The following ZNF143 variants were observed in gnomAD, a reference collection of about 807,000 sequenced individuals.
ZNF143 encodes the protein zinc finger protein 143, also known as SPH-binding factor.
In ZNF143, 49 loss-of-function variants were observed where a neutral mutation model predicts 74.1. That is an observed-to-expected ratio of 0.66 (90% CI 0.53 to 0.84). The LOEUF is 0.84. ZNF143 is among the 40% of genes least tolerant of loss of function. ZNF143 has a pLI of 0.00. For missense variants in ZNF143, 637 were observed against 793.4 expected (o/e 0.80, Z 2.37); for synonymous variants, 304 against 282.8 (o/e 1.07, Z -0.75).
rs552490842 is a variant in ZNF143, at chr11:9,527,448, T to G, written c.1834-82T>G. The G allele has an allele frequency of 1.1e-5, 14 of 1,295,436 alleles. No individual in the cohort carries two copies. In the African/African-American group the frequency reaches 2.0e-4, roughly 19 times the overall value. The allele number at this position is 1,295,436 out of a possible 1,614,324, so 80.2% of individuals were successfully genotyped here. ...CAGAATTACAGAGAGAAGTTTCACT[T>G]CTGGCATATAACATTTCTTTGGCAT... On this transcript the variant is annotated intron_variant, in intron 15 of 15. Transcript: ENST00000396602.
intron 1 of ZNF143, among the ~76,000 whole-genome samples, chr11:9,467,825 CAA>C (rs1027456358): frequency 5.4e-5 from 6 of 111,340 alleles, no homozygotes; most frequent in African/African-American, 2.1e-4. Context: ...GCCTGGGCGA[CAA>C]GAGTGAGACT....
intron 7 of ZNF143, 106 bp downstream of exon 7, chr11:9,479,652 A>C: frequency 3.3e-5 from 28 of 845,198 alleles, no homozygotes; most frequent in Non-Finnish European, 4.9e-5. Context: ...GGAAAATCTC[A>C]CCAGTTCAGA....
intron 14 of ZNF143, among the ~76,000 whole-genome samples, chr11:9,518,294 A>G (rs1367681940): frequency 1.3e-5 from 2 of 152,250 alleles, no homozygotes; most frequent in Non-Finnish European, 2.9e-5. Flanking sequence ...TGGTGAGGAA[A>G]CAACCACCAC....
intron 5 of ZNF143, among the ~76,000 whole-genome samples, chr11:9,475,591 T>G (rs1477364120): frequency 2.0e-5 from 3 of 152,160 alleles, no homozygotes; most frequent in Admixed American, 6.5e-5. Flanking sequence ...TATTTCTTCC[T>G]CTTAAATGCA....
At position 9,528,279 on chromosome 11, in the gene ZNF143, G is replaced by T. The variant is rs945581424; in HGVS notation, c.*666G>T. The T allele has an allele frequency of 2.0e-5, 3 of 152,068 alleles. No homozygotes were observed. Among genetic ancestry groups the T allele is most frequent in the African/African-American group, 7.2e-5 (3 of 41,412 alleles). 9.4% of individuals were successfully genotyped at this position (152,068 alleles called of 1,614,324 possible). A position where few individuals can be genotyped will look rare whatever the true frequency, so the allele number is the denominator to read the frequency against. ...TAAAATTAAAAAGTTAAATCCAGTGGTTTTGTTAAAGATTTTGCTTAGTAT... is the reference window on the plus strand; with the variant it reads ...TAAAATTAAAAAGTTAAATCCAGTGTTTTTGTTAAAGATTTTGCTTAGTAT... On this transcript the variant is annotated 3_prime_UTR_variant, in exon 16 of 16. Coordinates refer to ENST00000396602, the MANE Select transcript of ZNF143 (RefSeq NM_003442.6).
chr11:9,474,508 T>A (rs1416184715), intron 4 of ZNF143, 42 bp from the exon 5 acceptor site: 1 of 1,596,740 alleles, frequency 6.3e-7, no homozygotes, highest in Non-Finnish European at 8.6e-7. Context: ...AATTGGAATG[T>A]GCTAGAAAAC....
chr11:9,515,495 C>CA (rs1439148966), intron 13 of ZNF143, among the ~76,000 whole-genome samples: 2 of 151,114 alleles, frequency 1.3e-5, no homozygotes, highest in Admixed American at 6.6e-5. Context: ...TAAAAACACA[C>CA]AAAAAAAAAT....
At chr11:9,486,371 A>ATAATATATATAATATATTTTAT in intron 7 of ZNF143, among the ~76,000 whole-genome samples, 1 of 36,718 alleles carries the variant, frequency 2.7e-5, no homozygotes, top group African/African-American at 1.3e-4. Context: ...TATTATATAT[A>ATAATATATATAATATATTTTAT]ATATATTATA....
intron 7 of ZNF143, among the ~76,000 whole-genome samples, chr11:9,485,869 C>A (rs779891164): frequency 6.6e-6 from 1 of 151,452 alleles, no homozygotes; most frequent in African/African-American, 2.5e-5. Flanking sequence ...TAGGCCGTTA[C>A]AGTAAATGGG....
At chr11:9,521,392 C>T (rs568548111) in intron 14 of ZNF143, among the ~76,000 whole-genome samples, 1 of 152,146 alleles carries the variant, frequency 6.6e-6, no homozygotes, top group South Asian at 2.1e-4. Flanking sequence ...AAAGTTTCAT[C>T]TCCTGTTTCA....
Position 9,484,858 on chromosome 11 carries a change from C to T in ZNF143, c.645+5312C>T, listed in dbSNP as rs570167514. Among the ~76,000 whole-genome samples, 206 of 121,966 alleles carry T rather than the reference C, an allele frequency of 1.7e-3. 7 individuals are homozygous for T. Among genetic ancestry groups the T allele is most frequent in the African/African-American group, 5.8e-3 (178 of 30,626 alleles). The allele number at this position is 121,966 out of a possible 152,430, so 80.0% of individuals were successfully genotyped here. Reference sequence around the variant, plus strand: ...TGTCGCCCAGGCTGGAGTGCAGTGGCGCGATCTTGGCTCACTGCAAGCTCC... The same window carrying T: ...TGTCGCCCAGGCTGGAGTGCAGTGGTGCGATCTTGGCTCACTGCAAGCTCC... On this transcript the variant is annotated intron_variant, in intron 7 of 15. Coordinates refer to ENST00000396602, the MANE Select transcript of ZNF143 (RefSeq NM_003442.6).
rs568976598 is a variant in ZNF143 at position 9,511,999 on chromosome 11, C to T, written c.1376-449C>T. On this transcript the variant is annotated intron_variant, in intron 12 of 15. Coordinates refer to ENST00000396602, the MANE Select transcript of ZNF143 (RefSeq NM_003442.6). Reference sequence around the variant, plus strand: ...ATCTCCTGACCTCGTGATCCACCCACCTCAGCCTCCCAAAGTCCTGGGATT... The same window carrying T: ...ATCTCCTGACCTCGTGATCCACCCATCTCAGCCTCCCAAAGTCCTGGGATT... Among the ~76,000 whole-genome samples the T allele has an allele frequency of 1.4e-4, 21 of 151,410 alleles. No homozygotes were observed. In the South Asian group the frequency reaches 4.2e-3, roughly 30 times the overall value.
intron 1 of ZNF143, among the ~76,000 whole-genome samples, chr11:9,469,556 G>A (rs1334521223): frequency 6.6e-6 from 1 of 151,968 alleles, no homozygotes; most frequent in Non-Finnish European, 1.5e-5. Context: ...GTAGGGTACT[G>A]GTGTTACTTT....
chr11:9,478,490 G>A lies in ZNF143; in HGVS notation c.474G>A (p.Leu158=), dbSNP rs977631974. 7.4e-6 allele frequency: 12 copies of A among 1,614,182 alleles called. No individual in the cohort carries two copies. The highest frequency in any genetic ancestry group is 1.0e-5 in the Non-Finnish European group (12 of 1,180,052). The part of the protein sequence containing the change: ...AVQVPQSDTI[L]AIQADGTVAG... Reference sequence around the variant, plus strand: ...AAGTCCCGCAGTCTGACACCATCTTGGCAATTCAGGCTGATGGGACAGTGG... The same window carrying A: ...AAGTCCCGCAGTCTGACACCATCTTAGCAATTCAGGCTGATGGGACAGTGG... Residue 158 remains leucine (L), a synonymous_variant, in exon 6 of 16, where the codon TTG becomes TTA. Transcript: ENST00000396602.
At chr11:9,502,294 A>G (rs1252452135) in intron 11 of ZNF143, among the ~76,000 whole-genome samples, 1 of 120,010 alleles carries the variant, frequency 8.3e-6, no homozygotes, top group Non-Finnish European at 1.6e-5. Flanking sequence ...AATATAATTC[A>G]CATACTATAC....
At chr11:9,513,498 G>GT (rs1250440786) in intron 13 of ZNF143, among the ~76,000 whole-genome samples, 1 of 152,202 alleles carries the variant, frequency 6.6e-6, no homozygotes, top group East Asian at 1.9e-4. Flanking sequence ...TCTGGAGGTT[G>GT]TTTTATATAA....
At chr11:9,462,389 C>T (rs1011074735) in intron 1 of ZNF143, among the ~76,000 whole-genome samples, 21 of 151,862 alleles carry the variant, frequency 1.4e-4, no homozygotes, top group African/African-American at 4.8e-4. Context: ...GGAGACGGCC[C>T]TCCCATGTTT....
intron 7 of ZNF143, among the ~76,000 whole-genome samples, chr11:9,490,907 T>A (rs1368068908): frequency 1.3e-5 from 2 of 152,082 alleles, no homozygotes; most frequent in African/African-American, 4.8e-5. Flanking sequence ...TATTTTTTTA[T>A]CTTTTGCAGA....
At chr11:9,512,640 A>T (rs1848591878) in intron 13 of ZNF143, 44 bp downstream of exon 13, 2 of 1,606,366 alleles carry the variant, frequency 1.2e-6, no homozygotes, top group East Asian at 2.2e-5. Context: ...CTTTCTGTGA[A>T]CCTGGGCTTG....
Sources: gnomAD v4.1 joint callset for allele counts (sites outside exome capture counted in the v4.1 genomes callset) on GRCh38, gnomAD v4.1.1 for gene constraint, MANE v1.5 for transcripts, NCBI Gene and HGNC (gene_info 2026-07-23, HGNC 2026-07-21) for gene names.